AFF2: variants seen among roughly 807,000 people sequenced by gnomAD.
AFF2 encodes the protein AF4/FMR2 family member 2.
In AFF2, 14 loss-of-function variants were observed where a neutral mutation model predicts 76.9. The ratio of observed to expected loss-of-function variants is 0.18; its 90% CI spans 0.12 to 0.28. The LOEUF is 0.28. AFF2 is among the 10% of genes least tolerant of loss of function. The probability of loss-of-function intolerance (pLI) is 1.00; values close to 1 mark genes in which losing one functional copy is unlikely to be tolerated. For missense variants in AFF2, 868 were observed against 1,001.1 expected, an observed-to-expected ratio of 0.87 and a Z score of 1.79; for synonymous variants, 398 against 366.7, an observed-to-expected ratio of 1.09 and a Z score of -0.98.
chrX:148,937,741 C>A (rs1603343618), intron 9 of AFF2, among the ~76,000 whole-genome samples: 1 of 111,791 alleles, frequency 8.9e-6, no homozygotes, highest in Non-Finnish European at 1.9e-5. Flanking sequence ...CTGTGCTTAC[C>A]TCAATTACCA....
At chrX:148,935,465 C>A (rs2071763933) in intron 9 of AFF2, among the ~76,000 whole-genome samples, 1 of 111,096 alleles carries the variant, frequency 9.0e-6, no homozygotes, top group Non-Finnish European at 1.9e-5. Flanking sequence ...GCCCAAATTT[C>A]ATATTCCTAT....
At chrX:148,731,095 A>G (rs1044194598) in intron 3 of AFF2, among the ~76,000 whole-genome samples, 3 of 111,436 alleles carry the variant, frequency 2.7e-5, no homozygotes, top group Non-Finnish European at 3.8e-5. Flanking sequence ...TCTACCCCCA[A>G]AAAGATCCCA....
Position 148,820,641 on chromosome X carries a change from T to C in AFF2, c.1086+10721T>C, listed in dbSNP as rs547172783. Among the ~76,000 whole-genome samples the C allele has an allele frequency of 1.7e-4, 19 of 111,709 alleles. No homozygotes were observed. The South Asian group carries it at 7.2e-3, about 42-fold the overall frequency. ...ACTAAAAAGAAACTGAAGGAAAATATTTTGAAATGATAGTTCTTATTTTGT... is the reference window on the plus strand; with the variant it reads ...ACTAAAAAGAAACTGAAGGAAAATACTTTGAAATGATAGTTCTTATTTTGT... On this transcript the variant is annotated intron_variant, in intron 4 of 20. Coordinates refer to ENST00000370460, the MANE Select transcript of AFF2 (RefSeq NM_002025.4).
intron 1 of AFF2, among the ~76,000 whole-genome samples, chrX:148,580,428 A>C (rs1603248244): frequency 9.0e-6 from 1 of 111,631 alleles, no homozygotes; most frequent in Non-Finnish European, 1.9e-5. Context: ...TTATCTTCCT[A>C]TTCTTTTAGC....
At chrX:148,715,171 G>C (rs1175948122) in intron 3 of AFF2, among the ~76,000 whole-genome samples, 1 of 110,971 alleles carries the variant, frequency 9.0e-6, no homozygotes, top group Non-Finnish European at 1.9e-5. Flanking sequence ...TGATAGAAGC[G>C]CTAACAAGGG....
In AFF2 at chrX:148,987,455, C is replaced by A; in HGVS notation, c.3712C>A (p.Arg1238Ser). Reference sequence around the variant, plus strand: ...CAATGGCCCAGTCACCATTCCCCAGCGCATTCACCACATGGCTGCCAGCCA... The same window carrying A: ...CAATGGCCCAGTCACCATTCCCCAGAGCATTCACCACATGGCTGCCAGCCA... ...CNNGPVTIPQRIHHMAASHVN... is the reference protein window; with the variant it reads ...CNNGPVTIPQSIHHMAASHVN... Residue 1238 changes from arginine (R) to serine (S), a missense_variant, in exon 20 of 21, where the codon CGC becomes AGC. Transcript: ENST00000370460. 1 of 1,210,921 alleles carries A rather than the reference C, an allele frequency of 8.3e-7. No individual in the cohort carries two copies. Among genetic ancestry groups the A allele is most frequent in the South Asian group, 1.8e-5 (1 of 56,941 alleles).
At chrX:148,581,576 ATACG>A (rs1569551682) in intron 1 of AFF2, among the ~76,000 whole-genome samples, 9 of 34,508 alleles carry the variant, frequency 2.6e-4, no homozygotes, top group African/African-American at 1.0e-3. Flanking sequence ...ACGTATACGT[ATACG>A]TGTACACACA....
At chrX:148,973,432 CAG>C in intron 15 of AFF2, 37 bp from the exon 16 acceptor site, 1 of 1,203,674 alleles carries the variant, frequency 8.3e-7, no homozygotes, top group Non-Finnish European at 1.1e-6. Context: ...AAGGAGAAAA[CAG>C]AGAGTATTAT....
chrX:148,838,656 T>C (rs782546699), intron 5 of AFF2, among the ~76,000 whole-genome samples: 1 of 111,512 alleles, frequency 9.0e-6, no homozygotes, highest in Non-Finnish European at 1.9e-5. Flanking sequence ...CTGTAGTGCA[T>C]GGTGATATAA....
intron 3 of AFF2, among the ~76,000 whole-genome samples, chrX:148,804,663 T>C (rs1317303801): frequency 8.9e-6 from 1 of 112,677 alleles, no homozygotes; most frequent in Non-Finnish European, 1.9e-5. Context: ...GGATTTTTGC[T>C]GTATTGAAAT....
chrX:148,730,707 C>A lies in AFF2; in HGVS notation c.1041+67939C>A, dbSNP rs2055210488. ...ACTTACAAAACAAAACACCCAAAGC[C>A]AATGTTGCATGTCAGTTCTACTACT... On this transcript the variant is annotated intron_variant, in intron 3 of 20. Coordinates refer to ENST00000370460, the MANE Select transcript of AFF2 (RefSeq NM_002025.4). Among the ~76,000 whole-genome samples the A allele has an allele frequency of 2.7e-5, 3 of 112,607 alleles. No homozygotes were observed. The Admixed American group carries it at 2.8e-4, about 11-fold the overall frequency.
chrX:148,812,754 T>C (rs2070219904), intron 4 of AFF2, among the ~76,000 whole-genome samples: 1 of 111,282 alleles, frequency 9.0e-6, no homozygotes, highest in Admixed American at 9.6e-5. Context: ...CCCTCAATCC[T>C]CCAGGCTATG....
chrX:148,790,391 A>G (rs1397651397), intron 3 of AFF2, among the ~76,000 whole-genome samples: 2 of 111,740 alleles, frequency 1.8e-5, no homozygotes, highest in Non-Finnish European at 3.8e-5. Flanking sequence ...ATGTACATGT[A>G]TGTTCATTGC....
At chrX:148,935,723 GA>G (rs1874086617) in intron 9 of AFF2, among the ~76,000 whole-genome samples, 1 of 111,748 alleles carries the variant, frequency 8.9e-6, no homozygotes, top group African/African-American at 3.2e-5. Context: ...TATTTCACAA[GA>G]ATTGCTGTGT....
chrX:148,724,109 C>T (rs2055127773), intron 3 of AFF2, among the ~76,000 whole-genome samples: 1 of 109,813 alleles, frequency 9.1e-6, no homozygotes, highest in Non-Finnish European at 1.9e-5. Flanking sequence ...TGTCAATTAA[C>T]CTGAAACATG....
At chrX:148,520,038 T>G (rs2052578001) in intron 1 of AFF2, among the ~76,000 whole-genome samples, 1 of 112,335 alleles carries the variant, frequency 8.9e-6, no homozygotes, top group African/African-American at 3.2e-5. Context: ...GGACTTTAAC[T>G]ATCTAACAAT....
intron 1 of AFF2, among the ~76,000 whole-genome samples, chrX:148,648,165 G>A (rs1430362596): frequency 8.9e-6 from 1 of 111,876 alleles, no homozygotes; most frequent in Non-Finnish European, 1.9e-5. Context: ...AGCTCCCTCT[G>A]TTCATTTTTG....
At position 148,967,015 on chromosome X, in the gene AFF2, G is replaced by C; in HGVS notation, c.3139G>C (p.Ala1047Pro). Residue 1047 changes from alanine (A) to proline (P), a missense_variant, in exon 14 of 21, where the codon GCT becomes CCT. Physicochemically the swap from Ala to Pro is conservative, Grantham distance 27 (BLOSUM62 -1). Coordinates refer to ENST00000370460, the MANE Select transcript of AFF2 (RefSeq NM_002025.4). The stretch of plus-strand genomic sequence containing the variant: ...TCACCTGGAGATGACGTCCTGGGCG[G>C]CTCTGCCCCTTCTATCCAGCAGCAG... ...SSHLEMTSWA[A>P]LPLLSSSSTN... 8.3e-7 allele frequency: 1 copy of C among 1,211,413 alleles called. No homozygotes were observed.
chrX:148,892,098 G>A (rs2071230395), intron 8 of AFF2, among the ~76,000 whole-genome samples: 1 of 111,472 alleles, frequency 9.0e-6, no homozygotes, highest in African/African-American at 3.3e-5. Context: ...GTCTGGGCAT[G>A]TGATTGTGAG....
Sources: allele counts gnomAD v4.1 joint callset (sites outside exome capture counted in the v4.1 genomes callset), GRCh38; gene constraint gnomAD v4.1.1; transcripts MANE v1.5; gene names NCBI Gene and HGNC (gene_info 2026-07-23, HGNC 2026-07-21).